CSMD1: variants seen among roughly 807,000 people sequenced by gnomAD.
CSMD1 encodes CUB and sushi domain-containing protein 1.
Under a neutral mutation model 417.5 loss-of-function variants are expected in CSMD1, and 213 were observed. That is an observed-to-expected ratio of 0.51 (90% CI 0.46 to 0.57). CSMD1 has a LOEUF of 0.57. Ranked by LOEUF, CSMD1 falls within the 20% of genes least tolerant of loss-of-function variation. The pLI, the probability that CSMD1 is intolerant of heterozygous loss-of-function variation, is 0.00. For missense variants in CSMD1, 6,923 were observed against 4,529.7 expected (o/e 1.53, Z -15.17); for synonymous variants, 2,862 against 1,736.8 (o/e 1.65, Z -16.11).
intron 2 of CSMD1, among the ~76,000 whole-genome samples, chr8:4,607,869 G>C (rs73659169): frequency 0.015 from 2,226 of 152,108 alleles, 47 homozygotes; most frequent in African/African-American, 0.051. Flanking sequence ...ACTATTTTCT[G>C]ACTCTTCCTT....
chr8:3,204,352 G>A (rs1017851081), intron 31 of CSMD1, among the ~76,000 whole-genome samples: 2 of 151,634 alleles, frequency 1.3e-5, no homozygotes, highest in African/African-American at 4.8e-5. Context: ...TCCATGAACA[G>A]AAGACTTTTT....
intron 2 of CSMD1, among the ~76,000 whole-genome samples, chr8:4,495,093 C>T (rs904514158): frequency 6.6e-6 from 1 of 152,162 alleles, no homozygotes; most frequent in Non-Finnish European, 1.5e-5. Flanking sequence ...ATTCACTATT[C>T]ACCCTGCTTC....
chr8:4,698,768 AT>A (rs771908335), intron 1 of CSMD1, among the ~76,000 whole-genome samples: 4,281 of 144,952 alleles, frequency 0.03, 188 homozygotes, highest in African/African-American at 0.1. Flanking sequence ...AAAAAAAAAA[AT>A]TCCACCATAT....
intron 3 of CSMD1, among the ~76,000 whole-genome samples, chr8:4,265,899 A>G (rs2128846390): frequency 9.5e-6 from 1 of 104,788 alleles, no homozygotes; most frequent in African/African-American, 2.6e-5. Context: ...ACACAAATCC[A>G]AAATAAAATG....
At chr8:4,586,015 C>T (rs115752574) in intron 2 of CSMD1, among the ~76,000 whole-genome samples, 1 of 151,870 alleles carries the variant, frequency 6.6e-6, no homozygotes, top group African/African-American at 2.4e-5. Context: ...TCATCATTAC[C>T]TTTTTCATTA....
At chr8:3,414,418 C>G (rs1366170425) in intron 12 of CSMD1, among the ~76,000 whole-genome samples, 1 of 152,090 alleles carries the variant, frequency 6.6e-6, no homozygotes, top group African/African-American at 2.4e-5. Flanking sequence ...CTCTGTTGCT[C>G]TAGCTATATT....
chr8:3,325,040 T>C (rs1806436528), intron 23 of CSMD1, among the ~76,000 whole-genome samples: 1 of 152,218 alleles, frequency 6.6e-6, no homozygotes, highest in African/African-American at 2.4e-5. Context: ...ATGTCAGAAT[T>C]TGTGGAGCAG....
At chr8:3,132,888 C>T (rs541472695) in intron 41 of CSMD1, among the ~76,000 whole-genome samples, 30 of 152,300 alleles carry the variant, frequency 2.0e-4, no homozygotes, top group African/African-American at 6.5e-4. Flanking sequence ...AGGTTAGGAA[C>T]CCACTCCCAG....
At chr8:3,462,333 C>A (rs1394948213) in intron 12 of CSMD1, among the ~76,000 whole-genome samples, 1 of 152,168 alleles carries the variant, frequency 6.6e-6, no homozygotes, top group Non-Finnish European at 1.5e-5. Context: ...GGGTTCCCAA[C>A]CCCCAGGCCA....
In CSMD1 at chr8:4,038,840, A is replaced by C. The variant is rs547871348; in HGVS notation, c.416-6741T>G. On this transcript the variant is annotated intron_variant, in intron 3 of 69. Coordinates refer to ENST00000635120, the MANE Select transcript of CSMD1 (RefSeq NM_033225.6). ...TTTCCACTGGACCCCATGAAGCCAAATTTGTACATCAGGGCTTGAAACTTG... is the reference window on the plus strand; with the variant it reads ...TTTCCACTGGACCCCATGAAGCCAACTTTGTACATCAGGGCTTGAAACTTG... 1.1e-3 allele frequency among the ~76,000 whole-genome samples: 161 copies of C among 152,256 alleles called. 1 individual carries two copies. The highest frequency in any genetic ancestry group is 3.8e-3 in the African/African-American group (156 of 41,550).
intron 2 of CSMD1, among the ~76,000 whole-genome samples, chr8:4,546,981 C>A (rs1042585717): frequency 6.6e-6 from 1 of 152,138 alleles, no homozygotes; most frequent in African/African-American, 2.4e-5. Context: ...GTAGGCATCA[C>A]CCTGTGTGCC....
intron 3 of CSMD1, among the ~76,000 whole-genome samples, chr8:4,237,040 G>A (rs1440576542): frequency 6.6e-6 from 1 of 152,124 alleles, no homozygotes; most frequent in Non-Finnish European, 1.5e-5. Context: ...TATATGTGTT[G>A]CCATGGACAG....
chr8:3,282,681 C>T (rs1802829530), intron 26 of CSMD1, among the ~76,000 whole-genome samples: 1 of 152,162 alleles, frequency 6.6e-6, no homozygotes, highest in Non-Finnish European at 1.5e-5. Flanking sequence ...TACTATTCCA[C>T]AGGCACGTGT....
intron 10 of CSMD1, among the ~76,000 whole-genome samples, chr8:3,496,682 C>G (rs956847897): frequency 1.3e-5 from 2 of 152,048 alleles, no homozygotes; most frequent in African/African-American, 2.4e-5. Flanking sequence ...AAAAATTAGC[C>G]TGGCATGGTG....
rs368513463 is a variant in CSMD1, at chr8:3,429,944, C to G, written c.1562-20339G>C. On this transcript the variant is annotated intron_variant, in intron 12 of 69. Transcript: ENST00000635120. ...CTGTCTATTTCTTATATTTGTCAAT[C>G]TCGATATGTATTAATCGATATCTGT... is the stretch of plus-strand genomic sequence containing the variant. Among the ~76,000 whole-genome samples, 196 of 152,242 alleles carry G rather than the reference C, an allele frequency of 1.3e-3. 4 individuals are homozygous for G. In the South Asian group the frequency reaches 0.039, roughly 30 times the overall value.
chr8:3,996,767 C>T (rs1371961621), intron 5 of CSMD1, among the ~76,000 whole-genome samples: 1 of 152,112 alleles, frequency 6.6e-6, no homozygotes, highest in East Asian at 1.9e-4. Flanking sequence ...TTTGAAATAA[C>T]ATTTAAAACA....
intron 1 of CSMD1, among the ~76,000 whole-genome samples, chr8:4,879,361 G>A (rs146530464): frequency 1.6e-4 from 24 of 152,106 alleles, no homozygotes; most frequent in Admixed American, 4.6e-4. Context: ...TGGGAGAAAT[G>A]GTTATGAATA....
At chr8:4,337,448 T>C (rs2128893691) in intron 3 of CSMD1, among the ~76,000 whole-genome samples, 1 of 152,274 alleles carries the variant, frequency 6.6e-6, no homozygotes, top group Non-Finnish European at 1.5e-5. Context: ...AATCTAAATG[T>C]CTTTGCAAAC....
chr8:3,318,070 G>C (rs1430344424), intron 23 of CSMD1, among the ~76,000 whole-genome samples: 1 of 152,088 alleles, frequency 6.6e-6, no homozygotes, highest in Admixed American at 6.6e-5. Context: ...CAAAATGTTG[G>C]GATTACAAGC....
Sources: gnomAD v4.1 joint callset for allele counts (sites outside exome capture counted in the v4.1 genomes callset) on GRCh38, gnomAD v4.1.1 for gene constraint, MANE v1.5 for transcripts, NCBI Gene and HGNC (gene_info 2026-07-23, HGNC 2026-07-21) for gene names.